TXNDC16: variants seen among roughly 807,000 people sequenced by gnomAD.
TXNDC16 encodes thioredoxin domain containing 16.
TXNDC16 carries 74 observed loss-of-function variants against 85.6 expected under a neutral mutation model. The ratio of observed to expected loss-of-function variants is 0.86; its 90% CI spans 0.72 to 1.05. The LOEUF (loss-of-function observed/expected upper bound fraction) is 1.05. Among genes scored for constraint, TXNDC16 ranks in the 50% least tolerant of loss-of-function variants. TXNDC16 has a pLI of 0.00. For synonymous variants in TXNDC16, 335 were observed against 326.5 expected (o/e 1.03, Z -0.28); for missense variants, 959 against 947.0 (o/e 1.01, Z -0.17).
chr14:52,485,573 T>C (rs2036249954), intron 12 of TXNDC16, among the ~76,000 whole-genome samples: 1 of 152,222 alleles, frequency 6.6e-6, no homozygotes, highest in South Asian at 2.1e-4. Context: ...ACATGGTATG[T>C]ACCCTATACA....
chr14:52,454,300 C>A (rs1021239590), intron 18 of TXNDC16, among the ~76,000 whole-genome samples: 3 of 151,364 alleles, frequency 2.0e-5, no homozygotes, highest in African/African-American at 7.3e-5. Context: ...GTGGCACATG[C>A]CTGTAGTCCT....
At chr14:52,520,569 C>T (rs1024829776) in intron 6 of TXNDC16, among the ~76,000 whole-genome samples, 5 of 152,082 alleles carry the variant, frequency 3.3e-5, no homozygotes, top group Admixed American at 1.3e-4. Context: ...GAGATCACGC[C>T]ACTGCACTCC....
intron 6 of TXNDC16, 93 bp downstream of exon 6, chr14:52,536,626 A>C (rs1376685641): frequency 3.6e-6 from 4 of 1,117,260 alleles, no homozygotes; most frequent in Non-Finnish European, 5.1e-6. Flanking sequence ...TAATGTTAAA[A>C]CCCTGAAATA....
chr14:52,494,762 C>T (rs1029927147), intron 9 of TXNDC16, among the ~76,000 whole-genome samples: 2 of 152,190 alleles, frequency 1.3e-5, no homozygotes, highest in Admixed American at 1.3e-4. Context: ...TAAAATATCA[C>T]TCTGTCAGCT....
rs568923476 is a variant in TXNDC16, at chr14:52,509,001, T to C, written c.756+2239A>G. Among the ~76,000 whole-genome samples, 206 of 152,150 alleles carry C rather than the reference T, an allele frequency of 1.4e-3. 5 individuals carry two copies. In the South Asian group the frequency reaches 0.019, roughly 14 times the overall value. On this transcript the variant is annotated intron_variant, in intron 9 of 20. Coordinates refer to ENST00000281741, the MANE Select transcript of TXNDC16 (RefSeq NM_020784.3). ...AGCACACCAACATGGCACATGTATA[T>C]ATATGTAACAAACCTGCACGTTGTG...
chr14:52,443,828 C>T (rs1037441110), intron 18 of TXNDC16, among the ~76,000 whole-genome samples: 2 of 152,148 alleles, frequency 1.3e-5, no homozygotes, highest in South Asian at 2.1e-4. Context: ...GGACCCTACT[C>T]TTTCCTATGT....
chr14:52,462,236 T>A (rs189236519), intron 16 of TXNDC16, among the ~76,000 whole-genome samples: 98 of 152,090 alleles, frequency 6.4e-4, no homozygotes, highest in African/African-American at 2.3e-3. Context: ...TTGTTTATAT[T>A]TTTTTTTAGA....
At chr14:52,438,815 G>GA (rs1455839648) in intron 20 of TXNDC16, among the ~76,000 whole-genome samples, 3 of 152,052 alleles carry the variant, frequency 2.0e-5, no homozygotes, top group Non-Finnish European at 4.4e-5. Flanking sequence ...CATGCACATG[G>GA]AAAAAGCTGC....
intron 9 of TXNDC16, among the ~76,000 whole-genome samples, chr14:52,505,749 CA>C (rs2036782870): frequency 6.6e-6 from 1 of 151,894 alleles, no homozygotes; most frequent in East Asian, 1.9e-4. Context: ...GAGAGAGACA[CA>C]AAAAACCCTT....
chr14:52,533,920 A>T (rs1427011822), intron 6 of TXNDC16, among the ~76,000 whole-genome samples: 1 of 152,182 alleles, frequency 6.6e-6, no homozygotes, highest in East Asian at 1.9e-4. Context: ...AGGAATGCAG[A>T]TGCACATATA....
rs1030042993 is a variant in TXNDC16, at chr14:52,470,389, T to C, written c.1481+123A>G. 105 of 1,185,384 alleles carry C rather than the reference T, an allele frequency of 8.9e-5. 1 individual carries two copies. Among genetic ancestry groups the C allele is most frequent in the Admixed American group, 2.8e-5 (1 of 35,830 alleles). 73.4% of individuals were successfully genotyped at this position (1,185,384 alleles called of 1,614,324 possible). A position where few individuals can be genotyped will look rare whatever the true frequency, so the allele number is the denominator to read the frequency against. On this transcript the variant is annotated intron_variant, in intron 15 of 20. Transcript: ENST00000281741. ...AAATGTACACAGACTTTCATAAATA[T>C]TCATTTTGTGATCTCAATTCTAGTA...
intron 7 of TXNDC16, among the ~76,000 whole-genome samples, chr14:52,518,534 T>C (rs2037137453): frequency 6.6e-6 from 1 of 152,212 alleles, no homozygotes; most frequent in South Asian, 2.1e-4. Flanking sequence ...TTAGCTTTAC[T>C]TCCCAAACAC....
intron 9 of TXNDC16, among the ~76,000 whole-genome samples, chr14:52,497,343 C>T (rs1310324182): frequency 2.6e-5 from 4 of 152,030 alleles, no homozygotes; most frequent in Non-Finnish European, 4.4e-5. Flanking sequence ...CAAAAACCTC[C>T]CAACAAAGAA....
chr14:52,514,798 A>G, intron 8 of TXNDC16, 82 bp downstream of exon 8: 1 of 990,240 alleles, frequency 1.0e-6, no homozygotes, highest in Non-Finnish European at 1.5e-6. Context: ...GTGGGAGCAT[A>G]ATGGAAATGC....
At chr14:52,433,286 GA>G (rs1410250843) in intron 20 of TXNDC16, among the ~76,000 whole-genome samples, 1 of 152,098 alleles carries the variant, frequency 6.6e-6, no homozygotes, top group East Asian at 1.9e-4. Flanking sequence ...ATTGGTTATT[GA>G]AAGAGGAAAA....
chr14:52,501,221 T>A (rs1385668144), intron 9 of TXNDC16, among the ~76,000 whole-genome samples: 1 of 152,116 alleles, frequency 6.6e-6, no homozygotes. Flanking sequence ...ATAGTTGTGT[T>A]ATATATCTAC....
intron 9 of TXNDC16, among the ~76,000 whole-genome samples, chr14:52,493,801 TAG>T (rs1451322139): frequency 6.6e-6 from 1 of 151,914 alleles, no homozygotes; most frequent in Non-Finnish European, 1.5e-5. Flanking sequence ...TTTTCCAAGA[TAG>T]AGTCTTGCTC....
At chr14:52,458,280 C>T (rs2035578278) in intron 16 of TXNDC16, among the ~76,000 whole-genome samples, 1 of 152,124 alleles carries the variant, frequency 6.6e-6, no homozygotes, top group Non-Finnish European at 1.5e-5. Flanking sequence ...GACAACTGGC[C>T]AGGTGCGGTA....
At chr14:52,504,875 G>A (rs1023984074) in intron 9 of TXNDC16, among the ~76,000 whole-genome samples, 2 of 152,018 alleles carry the variant, frequency 1.3e-5, no homozygotes, top group Admixed American at 6.6e-5. Context: ...GATGGAGGAA[G>A]ATCTACCAAG....
Sources: gnomAD v4.1 joint callset for allele counts (sites outside exome capture counted in the v4.1 genomes callset) on GRCh38, gnomAD v4.1.1 for gene constraint, MANE v1.5 for transcripts, NCBI Gene and HGNC (gene_info 2026-07-23, HGNC 2026-07-21) for gene names.